The following ZNF432 variants were observed in gnomAD, a reference collection of about 807,000 sequenced individuals.
ZNF432 encodes the protein zinc finger protein 432.
In ZNF432, 10 loss-of-function variants were observed where a neutral mutation model predicts 13.9. The ratio of observed to expected loss-of-function variants is 0.72; its 90% CI spans 0.44 to 1.22. ZNF432 has a LOEUF of 1.22. Among genes scored for constraint, ZNF432 ranks in the 50% most tolerant of loss-of-function variants. The pLI, the probability that ZNF432 is intolerant of heterozygous loss-of-function variation, is 0.00. For synonymous variants in ZNF432, 247 were observed against 256.2 expected (o/e 0.96, Z 0.34); for missense variants, 793 against 796.2 (o/e 1.00, Z 0.05).
At chr19:52,041,969 T>G (rs757925409) in intron 2 of ZNF432, among the ~76,000 whole-genome samples, 13 of 152,124 alleles carry the variant, frequency 8.5e-5, no homozygotes, top group East Asian at 1.9e-4. Flanking sequence ...GCATAAGACA[T>G]AGAGAGACTT....
At chr19:52,042,031 T>TA (rs1346357644) in intron 2 of ZNF432, among the ~76,000 whole-genome samples, 1 of 152,102 alleles carries the variant, frequency 6.6e-6, no homozygotes, top group Admixed American at 6.5e-5. Context: ...TTAAATGGAT[T>TA]AAAAAATAGA....
chr19:52,034,301 T>C lies in ZNF432; in HGVS notation c.1378A>G (p.Ser460Gly). 1.2e-6 allele frequency: 2 copies of C among 1,609,726 alleles called. No individual in the cohort carries two copies. Among genetic ancestry groups the C allele is most frequent in the African/African-American group, 1.3e-5 (1 of 74,844 alleles). The part of the protein sequence containing the change: ...THTGEKPYTC[S>G]ECGKGFPLKS... ...AAGGGGAAGCCTTTCCCACATTCAC[T>C]GCATGTGTAGGGCTTCTCTCCTGTA... The change falls in exon 5 of 5, where the codon AGT (serine) becomes GGT (glycine). Residue 460 changes from serine to glycine, a missense_variant. Transcript: ENST00000221315.
intron 2 of ZNF432, among the ~76,000 whole-genome samples, chr19:52,043,843 G>C (rs28463440): frequency 0.076 from 11,538 of 152,114 alleles, 1,391 homozygotes; most frequent in African/African-American, 0.26. Flanking sequence ...CTTTGTTCAC[G>C]TGTTTGTCTG....
At chr19:52,048,180 CACAA>C (rs1482617069) in intron 1 of ZNF432, among the ~76,000 whole-genome samples, 32 of 145,956 alleles carry the variant, frequency 2.2e-4, no homozygotes, top group African/African-American at 7.6e-4. Flanking sequence ...CACACACACA[CACAA>C]AACCAGCCAG....
Position 52,034,579 on chromosome 19 carries a change from T to C in ZNF432, c.1100A>G (p.His367Arg). 1.2e-6 allele frequency: 2 copies of C among 1,613,674 alleles called. No individual in the cohort carries two copies. The highest frequency in any genetic ancestry group is 1.7e-6 in the Non-Finnish European group (2 of 1,179,944). ...KHYVIIHQRN[H>R]TGEKPYICNE... is the part of the protein sequence containing the mutation. ...GCATATATATGGTTTCTCTCCTGTA[T>C]GATTTCGTTGATGTATGATGACATA... Residue 367 changes from histidine to arginine, a missense_variant, in exon 5 of 5, where the codon CAT becomes CGT. By Grantham distance (29) the His-to-Arg change is conservative (BLOSUM62 0). Transcript: ENST00000221315.
Position 52,035,223 on chromosome 19 carries a change from A to C in ZNF432, c.456T>G (p.Ile152Met), listed in dbSNP as rs867471306. ...SLVNQNKSCE[I>M]NNSTKFSGDG... ...CTCCACTAAATTTAGTAGAGTTGTT[A>C]ATTTCACAGCTTTTGTTCTGGTTGA... The change falls in exon 5 of 5, where the codon ATT (isoleucine) becomes ATG (methionine). Residue 152 changes from isoleucine (I) to methionine (M), a missense_variant. Ile to Met is a conservative substitution (Grantham distance 10, BLOSUM62 1). Transcript: ENST00000221315. 2 of 1,609,404 alleles carry C rather than the reference A, an allele frequency of 1.2e-6. No individual in the cohort carries two copies. The highest frequency in any genetic ancestry group is 2.7e-5 in the African/African-American group (2 of 74,624).
In ZNF432 at chr19:52,033,569, C is replaced by G. The variant is rs989163464; in HGVS notation, c.*151G>C. 10 of 851,948 alleles carry G rather than the reference C, an allele frequency of 1.2e-5. No individual in the cohort carries two copies. The African/African-American group carries it at 1.5e-4, about 13-fold the overall frequency. The allele number at this position is 851,948 out of a possible 1,614,324, so 52.8% of individuals were successfully genotyped here. A position where few individuals can be genotyped will look rare whatever the true frequency, so the allele number is the denominator to read the frequency against. ...TGAATTCATGTTGAAGCCTTTCTGA[C>G]ATTGATAGCATTCATCCTAGTGAAT... On this transcript the variant is annotated 3_prime_UTR_variant, in exon 5 of 5. Transcript: ENST00000221315.
chr19:52,034,909 C>G lies in ZNF432; in HGVS notation c.770G>C (p.Arg257Thr). Residue 257 changes from arginine to threonine, a missense_variant, in exon 5 of 5, where the codon AGA becomes ACA. Physicochemically the swap from Arg to Thr is moderately conservative, Grantham distance 71. Transcript: ENST00000221315. ...RLNEHQRIHK[R>T]EKSFICSECG... is the part of the protein sequence containing the mutation. ...TTCACTGCATATAAAAGATTTCTCTCTTTTATGAATTCTTTGATGTTCATT... is the reference window on the plus strand; with the variant it reads ...TTCACTGCATATAAAAGATTTCTCTGTTTTATGAATTCTTTGATGTTCATT... The G allele has an allele frequency of 4.3e-6, 7 of 1,613,148 alleles. No homozygotes were observed. The highest frequency in any genetic ancestry group is 5.9e-6 in the Non-Finnish European group (7 of 1,179,702).
chr19:52,045,733 G>A (rs1375086936), intron 2 of ZNF432, among the ~76,000 whole-genome samples: 3 of 148,640 alleles, frequency 2.0e-5, no homozygotes, highest in African/African-American at 4.9e-5. Flanking sequence ...AGTGGCTCAC[G>A]CCTGTAATCC....
chr19:52,046,979 C>A lies in ZNF432; in HGVS notation c.-111G>T. The stretch of plus-strand genomic sequence containing the variant: ...TTCAGTCACCAGTGAAGGGTGTCCA[C>A]AGAAATCATATCTAGGTCCTGGAAT... On this transcript the variant is annotated 5_prime_UTR_variant, in exon 2 of 5. Coordinates refer to ENST00000221315, the MANE Select transcript of ZNF432 (RefSeq NM_014650.4). 1.8e-6 allele frequency: 2 copies of A among 1,115,804 alleles called. No individual in the cohort carries two copies. Among genetic ancestry groups the A allele is most frequent in the Middle Eastern group, 4.1e-4 (2 of 4,866 alleles). 69.1% of individuals were successfully genotyped at this position (1,115,804 alleles called of 1,614,324 possible).
intron 2 of ZNF432, 126 bp from the exon 3 acceptor site, chr19:52,041,732 A>G: frequency 9.3e-7 from 1 of 1,080,110 alleles, no homozygotes; most frequent in East Asian, 2.8e-5. Context: ...AGTCTATTGT[A>G]TTTTTTAATA....
chr19:52,046,814 C>T, intron 2 of ZNF432, 40 bp downstream of exon 2: 1 of 1,603,056 alleles, frequency 6.2e-7, no homozygotes, highest in Non-Finnish European at 8.5e-7. Context: ...TACAAATCCA[C>T]TATGGAATAA....
intron 3 of ZNF432, 133 bp from the exon 4 acceptor site, chr19:52,040,716 GATTAC>G: frequency 1.5e-6 from 1 of 679,172 alleles, no homozygotes; most frequent in Non-Finnish European, 2.6e-6. Context: ...GGAAAGGGCA[GATTAC>G]AGTCAGACCT....
At position 52,033,389 on chromosome 19, in the gene ZNF432, T is replaced by A. The variant is rs528065257; in HGVS notation, c.*331A>T. 1.2e-4 allele frequency: 29 copies of A among 250,454 alleles called. No individual in the cohort carries two copies. The South Asian group carries it at 2.1e-3, about 18-fold the overall frequency. 15.5% of individuals were successfully genotyped at this position (250,454 alleles called of 1,614,324 possible). ...TTTGTTTGTATGTAATCAGTTCAGA[T>A]TCTCTGCAAAAGGACTATGTACCTT... On this transcript the variant is annotated 3_prime_UTR_variant, in exon 5 of 5. Coordinates refer to ENST00000221315, the MANE Select transcript of ZNF432 (RefSeq NM_014650.4).
In ZNF432 at chr19:52,034,723, C is replaced by CAT; in HGVS notation, c.954_955dup (p.Cys319TyrfsTer67). Reference sequence around the variant, plus strand: ...AGTGAAGCCTTTTCCACATTCACTACATATATAGGATTTCTCTCCAGTATG... The same window carrying CAT: ...AGTGAAGCCTTTTCCACATTCACTACATATATATAGGATTTCTCTCCAGTATG... On this transcript the variant is annotated frameshift_variant, in exon 5 of 5. Transcript: ENST00000221315. LOFTEE classifies it low-confidence loss of function (END_TRUNC). 4 of 1,613,852 alleles carry CAT rather than the reference C, an allele frequency of 2.5e-6. No individual in the cohort carries two copies. Among genetic ancestry groups the CAT allele is most frequent in the Non-Finnish European group, 3.4e-6 (4 of 1,179,932 alleles).
rs1439443452 is a variant in ZNF432, at chr19:52,034,900, G to T, written c.779C>A (p.Ser260Tyr). 1.2e-6 allele frequency: 2 copies of T among 1,613,296 alleles called. No homozygotes were observed. Among genetic ancestry groups the T allele is most frequent in the Non-Finnish European group, 1.7e-6 (2 of 1,179,814 alleles). The change falls in exon 5 of 5, where the codon TCT becomes TAT. Residue 260 changes from serine (S) to tyrosine (Y), a missense_variant. Transcript: ENST00000221315. ...TTTTCCACATTCACTGCATATAAAA[G>T]ATTTCTCTCTTTTATGAATTCTTTG... ...EHQRIHKREK[S>Y]FICSECGKVF... is the part of the protein sequence containing the mutation.
At chr19:52,046,749 G>C in intron 2 of ZNF432, 105 bp downstream of exon 2, 1 of 1,183,994 alleles carries the variant, frequency 8.4e-7, no homozygotes, top group South Asian at 1.5e-5. Context: ...TGATGTTGGA[G>C]TTAGATTTAA....
intron 3 of ZNF432, among the ~76,000 whole-genome samples, chr19:52,041,005 G>A (rs2087130981): frequency 6.6e-6 from 1 of 151,972 alleles, no homozygotes; most frequent in Non-Finnish European, 1.5e-5. Flanking sequence ...TCAGGAGGCT[G>A]AGGCAGGAGG....
intron 1 of ZNF432, among the ~76,000 whole-genome samples, chr19:52,048,068 C>T (rs1406182930): frequency 6.8e-6 from 1 of 147,886 alleles, no homozygotes; most frequent in Non-Finnish European, 1.5e-5. Context: ...GGTACTCGGA[C>T]CTGAAACTTT....
Sources: gnomAD v4.1 joint callset for allele counts (sites outside exome capture counted in the v4.1 genomes callset) on GRCh38, gnomAD v4.1.1 for gene constraint, MANE v1.5 for transcripts, NCBI Gene and HGNC (gene_info 2026-07-23, HGNC 2026-07-21) for gene names.